HCRTR2: variants seen among roughly 807,000 people sequenced by gnomAD.
The protein encoded by HCRTR2 is orexin receptor type 2.
A neutral mutation model predicts 49.0 loss-of-function variants in HCRTR2; 22 were observed. The observed-to-expected ratio is 0.45, with a 90% CI of 0.32 to 0.64. The LOEUF (loss-of-function observed/expected upper bound fraction) is 0.64, where lower values mean the gene tolerates loss of function less well. Ranked by LOEUF, HCRTR2 falls within the 30% of genes least tolerant of loss-of-function variation. HCRTR2 has a pLI of 0.04. For missense variants in HCRTR2, 491 were observed against 559.4 expected, an observed-to-expected ratio of 0.88 and a Z score of 1.23; for synonymous variants, 236 against 205.3, an observed-to-expected ratio of 1.15 and a Z score of -1.28.
chr6:55,234,412 T>A (rs1766176094), intron 1 of HCRTR2, among the ~76,000 whole-genome samples: 1 of 152,072 alleles, frequency 6.6e-6, no homozygotes. Context: ...AAGAAGATTT[T>A]AAAATACGAT....
At chr6:55,199,547 G>C (rs770377506) in intron 1 of HCRTR2, among the ~76,000 whole-genome samples, 10 of 152,004 alleles carry the variant, frequency 6.6e-5, no homozygotes, top group South Asian at 2.1e-4. Flanking sequence ...TCAAATTAAT[G>C]TATTGAACTA....
At chr6:55,214,859 A>G (rs1765760577) in intron 1 of HCRTR2, among the ~76,000 whole-genome samples, 1 of 152,008 alleles carries the variant, frequency 6.6e-6, no homozygotes, top group African/African-American at 2.4e-5. Context: ...AGAAAGAATC[A>G]GGGAACTTGA....
chr6:55,274,205 T>C (rs951137730), intron 4 of HCRTR2, among the ~76,000 whole-genome samples: 1 of 146,340 alleles, frequency 6.8e-6, no homozygotes, highest in African/African-American at 2.5e-5. Context: ...TTAGGAGTTC[T>C]TTATTATCTC....
chr6:55,262,528 AAT>A (rs1230583505), intron 3 of HCRTR2, among the ~76,000 whole-genome samples: 1 of 131,440 alleles, frequency 7.6e-6, no homozygotes, highest in African/African-American at 2.8e-5. Flanking sequence ...TATTATATAT[AAT>A]ATATATAATA....
intron 2 of HCRTR2, among the ~76,000 whole-genome samples, chr6:55,254,428 A>T (rs1337961912): frequency 6.6e-6 from 1 of 152,088 alleles, no homozygotes. Flanking sequence ...TTAAAGAATG[A>T]TTTGTGGCAT....
At chr6:55,209,104 A>G (rs1294790379) in intron 1 of HCRTR2, among the ~76,000 whole-genome samples, 7 of 152,178 alleles carry the variant, frequency 4.6e-5, no homozygotes, top group Non-Finnish European at 4.4e-5. Context: ...AATGTTTTCT[A>G]AATCCATTAA....
intron 4 of HCRTR2, among the ~76,000 whole-genome samples, chr6:55,276,759 C>A (rs1467778491): frequency 2.0e-5 from 3 of 152,156 alleles, no homozygotes; most frequent in South Asian, 2.1e-4. Flanking sequence ...GGTTTGTGTG[C>A]ATTTTAAAGG....
intron 1 of HCRTR2, among the ~76,000 whole-genome samples, chr6:55,199,622 G>A (rs970861901): frequency 5.9e-5 from 9 of 152,018 alleles, no homozygotes; most frequent in African/African-American, 1.9e-4. Flanking sequence ...ACAAAATGCA[G>A]TTATGCATTT....
intron 1 of HCRTR2, among the ~76,000 whole-genome samples, chr6:55,210,224 C>T (rs1336831685): frequency 3.9e-5 from 6 of 152,090 alleles, no homozygotes; most frequent in African/African-American, 1.4e-4. Context: ...TGTATGCATA[C>T]ATACTTTAAA....
In HCRTR2 at chr6:55,263,836, A is replaced by G. The variant is rs1263172675; in HGVS notation, c.762+14A>G. 2 of 1,442,252 alleles carry G rather than the reference A, an allele frequency of 1.4e-6. No individual in the cohort carries two copies. The highest frequency in any genetic ancestry group is 1.1e-5 in the South Asian group (1 of 87,432). 89.3% of individuals were successfully genotyped at this position (1,442,252 alleles called of 1,614,324 possible). A position where few individuals can be genotyped will look rare whatever the true frequency, so the allele number is the denominator to read the frequency against. Reference sequence around the variant, plus strand: ...TGGTGTCGACAGGTATATAGTTTCAAATATTTTGCGTGCATTATTCCTCCA... The same window carrying G: ...TGGTGTCGACAGGTATATAGTTTCAGATATTTTGCGTGCATTATTCCTCCA... On this transcript the variant is annotated intron_variant, in intron 4 of 6. Coordinates refer to ENST00000370862, the MANE Select transcript of HCRTR2 (RefSeq NM_001384272.1).
intron 1 of HCRTR2, among the ~76,000 whole-genome samples, chr6:55,137,826 A>G (rs1451370291): frequency 6.6e-6 from 1 of 152,254 alleles, no homozygotes; most frequent in Non-Finnish European, 1.5e-5. Context: ...TAGGCTGTAA[A>G]GAACCAAAAA....
At chr6:55,252,502 G>T (rs9357855) in intron 2 of HCRTR2, among the ~76,000 whole-genome samples, 1 of 151,958 alleles carries the variant, frequency 6.6e-6, no homozygotes, top group Non-Finnish European at 1.5e-5. Context: ...GCGACTGTGC[G>T]AATCTATACA....
intron 5 of HCRTR2, 59 bp downstream of exon 5, chr6:55,277,659 AC>A (rs1767105016): frequency 8.6e-7 from 1 of 1,156,700 alleles, no homozygotes; most frequent in Admixed American, 2.6e-5. Flanking sequence ...TTCTTAATTA[AC>A]TTTTTTTTTT....
At position 55,187,327 on chromosome 6, in the gene HCRTR2, C is replaced by G. The variant is rs912107969; in HGVS notation, c.223+12517C>G. 5.7e-5 allele frequency among the ~76,000 whole-genome samples: 8 copies of G among 140,536 alleles called. No individual in the cohort carries two copies. In the South Asian group the frequency reaches 9.4e-4, roughly 16 times the overall value. The allele number at this position is 140,536 out of a possible 152,430, so 92.2% of individuals were successfully genotyped here. A position where few individuals can be genotyped will look rare whatever the true frequency, so the allele number is the denominator to read the frequency against. ...ACTTGGGAAGCTGAGGCAGGAGAAT[C>G]ACTTCAACCCGGGAGACGGAGGTTG... On this transcript the variant is annotated intron_variant, in intron 1 of 6. Coordinates refer to ENST00000370862, the MANE Select transcript of HCRTR2 (RefSeq NM_001384272.1).
chr6:55,248,855 G>T (rs545759614), intron 2 of HCRTR2, 38 bp downstream of exon 2: 2 of 1,567,724 alleles, frequency 1.3e-6, no homozygotes, highest in Admixed American at 1.7e-5. Flanking sequence ...CTACTAAAAA[G>T]AATGTTCAGC....
chr6:55,189,672 T>C (rs1288073783), intron 1 of HCRTR2, among the ~76,000 whole-genome samples: 1 of 152,052 alleles, frequency 6.6e-6, no homozygotes, highest in Non-Finnish European at 1.5e-5. Context: ...TCAGGATAAA[T>C]AGCTAAAGCA....
In HCRTR2 at chr6:55,108,621, G is replaced by A. The variant is rs898509142; in HGVS notation, c.-378+2076G>A. ...GAGAGCTGAAAGGAATATAAAAGTAGAAGCAGCAGCAGGAAGAGCCCTGTA... is the reference window on the plus strand; with the variant it reads ...GAGAGCTGAAAGGAATATAAAAGTAAAAGCAGCAGCAGGAAGAGCCCTGTA... On this transcript the variant is annotated intron_variant, in intron 1 of 7. Coordinates refer to the HCRTR2 transcript ENST00000615358. Among the ~76,000 whole-genome samples, 75 of 151,884 alleles carry A rather than the reference G, an allele frequency of 4.9e-4. 2 individuals carry two copies. Among genetic ancestry groups the A allele is most frequent in the Non-Finnish European group, 5.9e-5 (4 of 67,992 alleles).
intron 1 of HCRTR2, among the ~76,000 whole-genome samples, chr6:55,179,984 T>C (rs1263380303): frequency 6.6e-6 from 1 of 152,188 alleles, no homozygotes; most frequent in Non-Finnish European, 1.5e-5. Flanking sequence ...ATGCTGGCTT[T>C]ATTAAGTATG....
chr6:55,130,750 A>G (rs1764344544), intron 1 of HCRTR2, among the ~76,000 whole-genome samples: 1 of 151,862 alleles, frequency 6.6e-6, no homozygotes, highest in Non-Finnish European at 1.5e-5. Context: ...GGGATTTTCT[A>G]TATTTTATAT....
Sources: gnomAD v4.1 joint callset for allele counts (sites outside exome capture counted in the v4.1 genomes callset) on GRCh38, gnomAD v4.1.1 for gene constraint, MANE v1.5 for transcripts, NCBI Gene and HGNC (gene_info 2026-07-23, HGNC 2026-07-21) for gene names.